The following OSTF1 variants were observed in gnomAD, a reference collection of about 807,000 sequenced individuals.
OSTF1 encodes the protein osteoclast stimulating factor 1, also known as osteoclast-stimulating factor 1.
OSTF1 carries 27 observed loss-of-function variants against 37.2 expected under a neutral mutation model. That is an observed-to-expected ratio of 0.73 (90% CI 0.54 to 1.00). OSTF1 has a LOEUF of 1.00. Among genes scored for constraint, OSTF1 ranks in the 50% least tolerant of loss-of-function variants. The pLI is 0.00. For missense variants in OSTF1, 232 were observed against 253.8 expected (o/e 0.91, Z 0.58); for synonymous variants, 82 against 89.2 (o/e 0.92, Z 0.46).
chr9:75,115,161 T>G (rs575169316), intron 1 of OSTF1, among the ~76,000 whole-genome samples: 15 of 152,278 alleles, frequency 9.9e-5, no homozygotes, highest in African/African-American at 3.4e-4. Context: ...AAAATGTAAA[T>G]AATTTCTGAA....
chr9:75,104,274 G>T (rs778039655), intron 1 of OSTF1, among the ~76,000 whole-genome samples: 5 of 152,062 alleles, frequency 3.3e-5, no homozygotes, highest in Admixed American at 2.6e-4. Flanking sequence ...GCCAGGTGCA[G>T]TGGCTCACAC....
At chr9:75,118,320 G>A (rs1450499780) in intron 2 of OSTF1, among the ~76,000 whole-genome samples, 8 of 152,218 alleles carry the variant, frequency 5.3e-5, no homozygotes, top group African/African-American at 1.9e-4. Flanking sequence ...TTTGGTGGAT[G>A]CTAGAATAGA....
intron 2 of OSTF1, among the ~76,000 whole-genome samples, chr9:75,123,663 C>T (rs1217796239): frequency 6.6e-6 from 1 of 152,164 alleles, no homozygotes; most frequent in Non-Finnish European, 1.5e-5. Context: ...TATGTACTGC[C>T]ACCAACACTG....
chr9:75,106,964 A>AG (rs1825296546), intron 1 of OSTF1, among the ~76,000 whole-genome samples: 1 of 149,566 alleles, frequency 6.7e-6, no homozygotes, highest in African/African-American at 2.5e-5. Flanking sequence ...GAAAAAAAAA[A>AG]GAAAAAGAAA....
chr9:75,091,178 C>T (rs774351493), intron 1 of OSTF1, among the ~76,000 whole-genome samples: 70 of 149,654 alleles, frequency 4.7e-4, no homozygotes, highest in African/African-American at 1.6e-3. Context: ...CTCCGCCTCT[C>T]GGGATCAAGC....
At chr9:75,092,393 T>C (rs1824991083) in intron 1 of OSTF1, among the ~76,000 whole-genome samples, 1 of 152,228 alleles carries the variant, frequency 6.6e-6, no homozygotes, top group African/African-American at 2.4e-5. Flanking sequence ...TATTAGGCCC[T>C]GTGCTAGACA....
intron 1 of OSTF1, among the ~76,000 whole-genome samples, chr9:75,113,931 A>G (rs755676509): frequency 6.6e-6 from 1 of 152,204 alleles, no homozygotes; most frequent in African/African-American, 2.4e-5. Flanking sequence ...TTCTTTAACC[A>G]GCATCCCCCC....
chr9:75,098,161 C>T (rs1418399650), intron 1 of OSTF1, among the ~76,000 whole-genome samples: 1 of 152,176 alleles, frequency 6.6e-6, no homozygotes, highest in African/African-American at 2.4e-5. Context: ...TGACTAATTT[C>T]ATTTCGTGCT....
intron 1 of OSTF1, among the ~76,000 whole-genome samples, chr9:75,097,995 C>T (rs1825118661): frequency 6.6e-6 from 1 of 151,968 alleles, no homozygotes; most frequent in South Asian, 2.1e-4. Flanking sequence ...GGAGTTAGGA[C>T]TGCAGTTGTG....
Position 75,125,966 on chromosome 9 carries a change from A to G in OSTF1, c.82-1603A>G, listed in dbSNP as rs1322938066. ...GCTCTGTCACTCAGGCTGGAGTGCC[A>G]TGGCGTAATCTTGGCTCACTGCAAC... On this transcript the variant is annotated intron_variant, in intron 2 of 9. Coordinates refer to ENST00000346234, the MANE Select transcript of OSTF1 (RefSeq NM_012383.5). Among the ~76,000 whole-genome samples, 3 of 152,140 alleles carry G rather than the reference A, an allele frequency of 2.0e-5. No individual in the cohort carries two copies. In the East Asian group the frequency reaches 5.8e-4, roughly 29 times the overall value.
In OSTF1 at chr9:75,146,788, T is replaced by C; in HGVS notation, c.*47T>C. The C allele has an allele frequency of 7.1e-7, 1 of 1,398,992 alleles. No individual in the cohort carries two copies. The highest frequency in any genetic ancestry group is 1.0e-6 in the Non-Finnish European group (1 of 1,000,916). The allele number at this position is 1,398,992 out of a possible 1,614,324, so 86.7% of individuals were successfully genotyped here. On this transcript the variant is annotated 3_prime_UTR_variant, in exon 10 of 10. Transcript: ENST00000346234. ...TCTAAAACTTCTGTTGCTTTTGCCA[T>C]TCCAAAACTTTGTCTTTGCCAGAAA...
chr9:75,103,685 G>T (rs575710495), intron 1 of OSTF1, among the ~76,000 whole-genome samples: 7 of 152,314 alleles, frequency 4.6e-5, no homozygotes, highest in Non-Finnish European at 8.8e-5. Flanking sequence ...CCAGGCTGGA[G>T]TGCAGTAGCA....
At chr9:75,137,252 A>C (rs1825857356) in intron 7 of OSTF1, among the ~76,000 whole-genome samples, 1 of 151,994 alleles carries the variant, frequency 6.6e-6, no homozygotes, top group Non-Finnish European at 1.5e-5. Flanking sequence ...TGCATGTTCA[A>C]ATCTGCTTCC....
At chr9:75,107,208 C>T (rs1825303935) in intron 1 of OSTF1, among the ~76,000 whole-genome samples, 1 of 149,666 alleles carries the variant, frequency 6.7e-6, no homozygotes, top group Non-Finnish European at 1.5e-5. Flanking sequence ...CACGGACTCC[C>T]CCTGTTTTGT....
At chr9:75,114,338 A>G (rs1359709523) in intron 1 of OSTF1, among the ~76,000 whole-genome samples, 3 of 152,190 alleles carry the variant, frequency 2.0e-5, no homozygotes, top group Admixed American at 6.6e-5. Flanking sequence ...CATTAAGTCA[A>G]TCCATTTTCT....
At chr9:75,144,034 A>G (rs1825983796) in intron 9 of OSTF1, among the ~76,000 whole-genome samples, 1 of 152,200 alleles carries the variant, frequency 6.6e-6, no homozygotes, top group Non-Finnish European at 1.5e-5. Flanking sequence ...ATATGGGCAA[A>G]ACTTAGGATA....
intron 1 of OSTF1, among the ~76,000 whole-genome samples, chr9:75,096,116 C>G (rs1407127298): frequency 6.6e-6 from 1 of 152,162 alleles, no homozygotes; most frequent in Non-Finnish European, 1.5e-5. Context: ...TGGTCTCGAT[C>G]TCCTGACCTC....
In OSTF1 at chr9:75,088,618, C is replaced by T. The variant is rs1278925301; in HGVS notation, c.-75C>T. On this transcript the variant is annotated 5_prime_UTR_variant, in exon 1 of 10. Coordinates refer to ENST00000346234, the MANE Select transcript of OSTF1 (RefSeq NM_012383.5). ...AAGCCAGACAAAAAGAACTGGGGTG[C>T]CCGGAGTGCCAGGTGGCGGGCAAGC... The T allele has an allele frequency of 2.7e-6, 4 of 1,477,786 alleles. No homozygotes were observed. In the South Asian group the frequency reaches 3.6e-5, roughly 13 times the overall value. The allele number at this position is 1,477,786 out of a possible 1,614,324, so 91.5% of individuals were successfully genotyped here.
chr9:75,120,772 C>T (rs1825567735), intron 2 of OSTF1, among the ~76,000 whole-genome samples: 1 of 152,116 alleles, frequency 6.6e-6, no homozygotes. Context: ...CTATATAGTC[C>T]AGCCCCTATT....
Sources: gnomAD v4.1 joint callset for allele counts (sites outside exome capture counted in the v4.1 genomes callset) on GRCh38, gnomAD v4.1.1 for gene constraint, MANE v1.5 for transcripts, NCBI Gene and HGNC (gene_info 2026-07-23, HGNC 2026-07-21) for gene names.